TMEM132C: variants seen among roughly 807,000 people sequenced by gnomAD.
The protein encoded by TMEM132C is transmembrane protein 132C, also known as protein phosphatase 1, regulatory subunit 152.
TMEM132C carries 29 observed loss-of-function variants against 61.4 expected under a neutral mutation model. The observed-to-expected ratio is 0.47, with a 90% CI of 0.35 to 0.64. The LOEUF is 0.64. Ranked by LOEUF, TMEM132C falls within the 30% of genes least tolerant of loss-of-function variation. The pLI is 0.00. For synonymous variants in TMEM132C, 656 were observed against 633.1 expected (o/e 1.04, Z -0.54); for missense variants, 1,408 against 1,476.9 (o/e 0.95, Z 0.76).
intron 3 of TMEM132C, among the ~76,000 whole-genome samples, chr12:128,573,273 T>TA (rs1874962269): frequency 6.6e-6 from 1 of 152,034 alleles, no homozygotes. Flanking sequence ...TATGCAGCCA[T>TA]AAAAAATGAT....
Position 128,497,466 on chromosome 12 carries a change from TG to T in TMEM132C, c.975-46489del, listed in dbSNP as rs562505515. Among the ~76,000 whole-genome samples the T allele has an allele frequency of 4.9e-3, 740 of 152,308 alleles. 4 individuals are homozygous for T. Among genetic ancestry groups the T allele is most frequent in the African/African-American group, 0.017 (706 of 41,556 alleles). On this transcript the variant is annotated intron_variant, in intron 2 of 8. Coordinates refer to ENST00000435159, the MANE Select transcript of TMEM132C (RefSeq NM_001136103.3). ...GATGCAGGCAGGCCTCCTTGAGCTATGGTGGGCTCCACCAAGTTCGAGCTTC... is the reference window on the plus strand; with the variant it reads ...GATGCAGGCAGGCCTCCTTGAGCTATGTGGGCTCCACCAAGTTCGAGCTTC...
At chr12:128,423,986 G>T (rs1869088165) in intron 2 of TMEM132C, among the ~76,000 whole-genome samples, 1 of 143,422 alleles carries the variant, frequency 7.0e-6, no homozygotes, top group African/African-American at 2.6e-5. Context: ...GGCGGAGCTT[G>T]CAGTGAGCCG....
At chr12:128,632,751 C>A (rs747153342) in intron 4 of TMEM132C, among the ~76,000 whole-genome samples, 1 of 152,176 alleles carries the variant, frequency 6.6e-6, no homozygotes, top group African/African-American at 2.4e-5. Context: ...TGAAACCTTG[C>A]GTTTTCCATT....
intron 1 of TMEM132C, among the ~76,000 whole-genome samples, chr12:128,272,106 ACAGTCACGTAAACAT>A (rs1870541571): frequency 6.6e-6 from 1 of 152,228 alleles, no homozygotes; most frequent in Non-Finnish European, 1.5e-5. Context: ...ACAAATGCAC[ACAGTCACGTAAACAT>A]CACTAGGATT....
At position 128,668,724 on chromosome 12, in the gene TMEM132C, C is replaced by A. The variant is rs1011768924; in HGVS notation, c.1306-693C>A. ...TTAAGATGTTGGCAGGGCTGCACTC[C>A]TTCTGGAAGCTCTCAGGGAAAATCT... On this transcript the variant is annotated intron_variant, in intron 4 of 8. Coordinates refer to ENST00000435159, the MANE Select transcript of TMEM132C (RefSeq NM_001136103.3). 1.3e-5 allele frequency among the ~76,000 whole-genome samples: 2 copies of A among 152,184 alleles called. 1 individual carries two copies. The highest frequency in any genetic ancestry group is 1.3e-4 in the Admixed American group (2 of 15,278).
intron 4 of TMEM132C, among the ~76,000 whole-genome samples, chr12:128,666,121 C>A (rs1423761617): frequency 2.1e-4 from 17 of 80,610 alleles, no homozygotes; most frequent in South Asian, 9.3e-4. Context: ...ACACAGGCAC[C>A]CACACACACA....
At chr12:128,287,154 A>G (rs1871101425) in intron 1 of TMEM132C, among the ~76,000 whole-genome samples, 2 of 152,286 alleles carry the variant, frequency 1.3e-5, no homozygotes, top group South Asian at 4.2e-4. Context: ...TGTCCTGTGC[A>G]GGGCTAGATG....
At chr12:128,355,240 A>T (rs191739154) in intron 1 of TMEM132C, among the ~76,000 whole-genome samples, 116 of 152,272 alleles carry the variant, frequency 7.6e-4, no homozygotes, top group African/African-American at 2.7e-3. Flanking sequence ...GAGCAGGAAT[A>T]GGTGAAGGGT....
At chr12:128,689,275 TACTTA>T (rs761883985) in intron 5 of TMEM132C, among the ~76,000 whole-genome samples, 53 of 152,320 alleles carry the variant, frequency 3.5e-4, no homozygotes, top group Admixed American at 1.7e-3. Context: ...TCATCTCAAA[TACTTA>T]ACTTTTTGTG....
intron 1 of TMEM132C, among the ~76,000 whole-genome samples, chr12:128,359,608 C>T (rs1873633393): frequency 6.6e-6 from 1 of 152,214 alleles, no homozygotes; most frequent in Admixed American, 6.5e-5. Context: ...TTCCCTGACC[C>T]TGTTCTAAAA....
At chr12:128,556,736 T>C (rs1165514046) in intron 3 of TMEM132C, among the ~76,000 whole-genome samples, 3 of 152,214 alleles carry the variant, frequency 2.0e-5, no homozygotes, top group Admixed American at 6.5e-5. Context: ...AAAGCCACCA[T>C]GCTGTGAGGA....
chr12:128,401,618 C>T (rs1196169423), intron 1 of TMEM132C, among the ~76,000 whole-genome samples: 1 of 152,166 alleles, frequency 6.6e-6, no homozygotes, highest in Non-Finnish European at 1.5e-5. Flanking sequence ...CTGATCTCCA[C>T]CCCAGTAGTT....
At position 128,455,827 on chromosome 12, in the gene TMEM132C, C is replaced by T. The variant is rs114364499; in HGVS notation, c.974+40207C>T. 8.6e-3 allele frequency among the ~76,000 whole-genome samples: 1,307 copies of T among 152,136 alleles called. 27 individuals carry two copies. Among genetic ancestry groups the T allele is most frequent in the African/African-American group, 0.03 (1,248 of 41,502 alleles). Reference sequence around the variant, plus strand: ...CCGACTTACGGGCTGTGGGGGAGCCCGGGGGTAGATTGGCTCCTGTGAGCT... The same window carrying T: ...CCGACTTACGGGCTGTGGGGGAGCCTGGGGGTAGATTGGCTCCTGTGAGCT... On this transcript the variant is annotated intron_variant, in intron 2 of 8. Transcript: ENST00000435159.
At chr12:128,647,466 A>T (rs145517961) in intron 4 of TMEM132C, among the ~76,000 whole-genome samples, 175 of 150,364 alleles carry the variant, frequency 1.2e-3, no homozygotes, top group Middle Eastern at 0.01. Flanking sequence ...ACTAGAGTCC[A>T]TCAGCATTGG....
chr12:128,363,345 G>A (rs555715831), intron 1 of TMEM132C, among the ~76,000 whole-genome samples: 2 of 152,230 alleles, frequency 1.3e-5, no homozygotes, highest in Non-Finnish European at 2.9e-5. Flanking sequence ...TTTACTTTCT[G>A]TTTGAAGTGG....
intron 4 of TMEM132C, among the ~76,000 whole-genome samples, chr12:128,653,211 A>G (rs75102967): frequency 0.026 from 3,883 of 151,708 alleles, 69 homozygotes; most frequent in Middle Eastern, 0.052. Flanking sequence ...TAAAATGTCC[A>G]GAATAGGTAA....
Position 128,415,160 on chromosome 12 carries a change from GTCTTTGCTT to G in TMEM132C, c.517_525del (p.Phe173_Phe175del). ...CGGGGAGAAGCTGCCATGCCTGAGGGTCTTTGCTTTCCGAGAAACCAGAGAGGTGCGGGG... is the reference window on the plus strand; with the variant it reads ...CGGGGAGAAGCTGCCATGCCTGAGGGTCCGAGAAACCAGAGAGGTGCGGGG... On this transcript the variant is annotated inframe_deletion, in exon 2 of 9. Coordinates refer to ENST00000435159, the MANE Select transcript of TMEM132C (RefSeq NM_001136103.3). This position sits in a 1 kb window ranked among gnomAD's most constrained non-coding sequence, Gnocchi z 5.8. 6.2e-7 allele frequency: 1 copy of G among 1,611,136 alleles called. No individual in the cohort carries two copies. Among genetic ancestry groups the G allele is most frequent in the Non-Finnish European group, 8.5e-7 (1 of 1,178,666 alleles).
At chr12:128,690,603 G>A (rs913430142) in intron 5 of TMEM132C, among the ~76,000 whole-genome samples, 1 of 152,180 alleles carries the variant, frequency 6.6e-6, no homozygotes, top group East Asian at 1.9e-4. Flanking sequence ...GACTAAAGAA[G>A]TGATTACTGA....
At position 128,527,678 on chromosome 12, in the gene TMEM132C, T is replaced by C. The variant is rs543980465; in HGVS notation, c.975-16279T>C. ...GTTAGCAGTGGGGTGTTTGTGTATG[T>C]GAACGTGCATGTACGTGAATGTGCA... is the stretch of plus-strand genomic sequence containing the variant. On this transcript the variant is annotated intron_variant, in intron 2 of 8. Transcript: ENST00000435159. 2.0e-5 allele frequency among the ~76,000 whole-genome samples: 3 copies of C among 150,938 alleles called. No individual in the cohort carries two copies. The South Asian group carries it at 6.3e-4, about 32-fold the overall frequency.
Sources: gnomAD v4.1 joint callset for allele counts (sites outside exome capture counted in the v4.1 genomes callset) on GRCh38, gnomAD v4.1.1 for gene constraint, Gnocchi (gnomAD v3.1) non-coding constraint, MANE v1.5 for transcripts, NCBI Gene and HGNC (gene_info 2026-07-23, HGNC 2026-07-21) for gene names.